Variants in COL5A2 observed in about 807,000 individuals in gnomAD.
COL5A2 encodes the protein collagen type V alpha 2 chain.
Under a neutral mutation model 208.2 loss-of-function variants are expected in COL5A2, and 23 were observed. The ratio of observed to expected loss-of-function variants is 0.11; its 90% CI spans 0.08 to 0.16. The LOEUF is 0.16. COL5A2 is among the 10% of genes least tolerant of loss of function. The pLI is 1.00. For missense variants in COL5A2, 1,590 were observed against 1,956.4 expected, an observed-to-expected ratio of 0.81 and a Z score of 3.53; for synonymous variants, 625 against 628.5, an observed-to-expected ratio of 0.99 and a Z score of 0.08.
chr2:189,346,830 A>G, the COL5A2 span, among the ~76,000 whole-genome samples: 1 of 152,158 alleles, frequency 6.6e-6, no homozygotes, highest in Non-Finnish European at 1.5e-5. Context: ...TGGTGCTCTA[A>G]GGAAGAGGCT....
Position 189,198,634 on chromosome 2 carries a change from A to G in COL5A2, c.-42+26514T>C, listed in dbSNP as rs571785576. 2.9e-4 allele frequency among the ~76,000 whole-genome samples: 44 copies of G among 152,320 alleles called. No individual in the cohort carries two copies. In the South Asian group the frequency reaches 8.9e-3, roughly 31 times the overall value. ...CATTACTGATATACCTGAGAAATCA[A>G]TGTAATCAATTTCTGGATGCAGAAA... On this transcript the variant is annotated intron_variant, in intron 1 of 10. Coordinates refer to the COL5A2 transcript ENST00000649966.
intron 45 of COL5A2, among the ~76,000 whole-genome samples, chr2:189,047,550 A>T (rs1419890756): frequency 6.6e-6 from 1 of 152,230 alleles, no homozygotes; most frequent in Non-Finnish European, 1.5e-5. Context: ...TCTGCTTAAG[A>T]TTACACAGCT....
chr2:189,276,884 T>C, the COL5A2 span, among the ~76,000 whole-genome samples: 1 of 152,142 alleles, frequency 6.6e-6, no homozygotes, highest in Non-Finnish European at 1.5e-5. Context: ...TTGCCATAAA[T>C]TCTGTCTAAA....
At chr2:189,126,610 G>T (rs767729741) in intron 1 of COL5A2, among the ~76,000 whole-genome samples, 1 of 152,018 alleles carries the variant, frequency 6.6e-6, no homozygotes, top group Non-Finnish European at 1.5e-5. Context: ...AAGCATGTAA[G>T]TCAAATTTAA....
chr2:189,183,433 C>A (rs1688807994), upstream of COL5A2, among the ~76,000 whole-genome samples: 1 of 152,132 alleles, frequency 6.6e-6, no homozygotes, highest in African/African-American at 2.4e-5. Flanking sequence ...AATCCCTTGA[C>A]TTTATTTCTG....
intron 7 of COL5A2, among the ~76,000 whole-genome samples, chr2:189,091,253 T>C (rs906565157): frequency 1.3e-5 from 2 of 152,220 alleles, no homozygotes; most frequent in African/African-American, 2.4e-5. Flanking sequence ...TTAATTACTG[T>C]AATCTCATAA....
chr2:189,321,219 A>G, the COL5A2 span, among the ~76,000 whole-genome samples: 6 of 152,206 alleles, frequency 3.9e-5, no homozygotes, highest in African/African-American at 1.4e-4. Flanking sequence ...AACATGCCAA[A>G]TTGTAAAGAC....
chr2:189,327,266 C>T, the COL5A2 span, among the ~76,000 whole-genome samples: 6 of 152,180 alleles, frequency 3.9e-5, no homozygotes, highest in East Asian at 1.2e-3. Context: ...TTCCTCCATA[C>T]TTAGGAATCA....
At chr2:189,060,865 T>C in intron 30 of COL5A2, 82 bp from the exon 31 acceptor site, 1 of 931,220 alleles carries the variant, frequency 1.1e-6, no homozygotes, top group South Asian at 1.3e-5. Flanking sequence ...CCTTTTACAA[T>C]TCATGGGGTC....
At chr2:189,089,818 C>T (rs1686745325) in intron 7 of COL5A2, among the ~76,000 whole-genome samples, 1 of 152,012 alleles carries the variant, frequency 6.6e-6, no homozygotes, top group Non-Finnish European at 1.5e-5. Context: ...TGAATGATGC[C>T]CATACAAGAC....
rs1685418656 is a variant in COL5A2 at position 189,035,152 on chromosome 2, C to T, written c.4117G>A (p.Ala1373Thr). The part of the protein sequence containing the change: ...GLDMNRGSQF[A>T]YGDHQSPNTA... ...TTAGGTGATTGGTGGTCTCCATAAG[C>T]GAACTAGAAAAACAAAGAGTCTTTG... Residue 1373 changes from alanine to threonine, a missense_variant, in exon 53 of 54, where the codon GCT becomes ACT. By Grantham distance (58) the Ala-to-Thr change is moderately conservative. Transcript: ENST00000374866. 3.7e-6 allele frequency: 6 copies of T among 1,613,604 alleles called. No individual in the cohort carries two copies. The highest frequency in any genetic ancestry group is 1.7e-5 in the Admixed American group (1 of 59,986).
chr2:189,135,979 A>T (rs935954540), intron 1 of COL5A2, among the ~76,000 whole-genome samples: 1 of 152,182 alleles, frequency 6.6e-6, no homozygotes, highest in Admixed American at 6.5e-5. Flanking sequence ...AGTAAGGAGG[A>T]TCAGCAGAGA....
intron 26 of COL5A2, among the ~76,000 whole-genome samples, chr2:189,063,492 CT>C (rs1559085879): frequency 6.6e-6 from 1 of 152,130 alleles, no homozygotes; most frequent in Non-Finnish European, 1.5e-5. Flanking sequence ...TATGAGCTTC[CT>C]CATGATGTCT....
At position 189,065,014 on chromosome 2, in the gene COL5A2, G is replaced by A. The variant is rs754826484; in HGVS notation, c.1607C>T (p.Pro536Leu). The change falls in exon 24 of 54, where the codon CCT becomes CTT. Residue 536 changes from proline to leucine, a missense_variant. Transcript: ENST00000374866. ...NRGFPGSDGL[P>L]GPKGAQGERG... ...ACAGGGCAACCTCACCTTTGGCCCA[G>A]GTAAACCATCAGAGCCTGGAAAACC... 2 of 1,613,720 alleles carry A rather than the reference G, an allele frequency of 1.2e-6. No individual in the cohort carries two copies. Among genetic ancestry groups the A allele is most frequent in the Non-Finnish European group, 1.7e-6 (2 of 1,179,862 alleles).
rs115840620 is a variant in COL5A2 at position 189,190,119 on chromosome 2, G to T, written c.-42+35029C>A. ...TGAACACTTCCTACAAAAAAGGGGG[G>T]GTCATTTTTAATACACAGTAAATAC... On this transcript the variant is annotated intron_variant, in intron 1 of 10. Transcript: ENST00000649966. 3.5e-3 allele frequency among the ~76,000 whole-genome samples: 536 copies of T among 152,098 alleles called. 6 individuals are homozygous for T. The highest frequency in any genetic ancestry group is 0.012 in the African/African-American group (500 of 41,464).
the COL5A2 span, among the ~76,000 whole-genome samples, chr2:189,276,161 C>T: frequency 6.6e-6 from 1 of 152,210 alleles, no homozygotes; most frequent in African/African-American, 2.4e-5. Flanking sequence ...AGTTACACAA[C>T]AAAGCTGCTA....
the COL5A2 span, among the ~76,000 whole-genome samples, chr2:189,352,620 C>G: frequency 4.6e-5 from 7 of 152,230 alleles, no homozygotes; most frequent in South Asian, 1.0e-3. Context: ...CTGTTCATAT[C>G]CTTTGCCCAC....
At chr2:189,182,909 C>T (rs1335311479), upstream of COL5A2, among the ~76,000 whole-genome samples, 2 of 152,306 alleles carry the variant, frequency 1.3e-5, no homozygotes, top group African/African-American at 4.8e-5. Context: ...GCAGATGTTA[C>T]TCTGTCAGTG....
the COL5A2 span, among the ~76,000 whole-genome samples, chr2:189,414,251 T>C: frequency 1.4e-4 from 21 of 152,166 alleles, no homozygotes; most frequent in African/African-American, 4.8e-4. Flanking sequence ...ACAACCCTCT[T>C]GAGGAAAAAT....
Sources: gnomAD v4.1 joint callset for allele counts (sites outside exome capture counted in the v4.1 genomes callset) on GRCh38, gnomAD v4.1.1 for gene constraint, MANE v1.5 for transcripts, NCBI Gene and HGNC (gene_info 2026-07-23, HGNC 2026-07-21) for gene names.